The following DYNLT2B variants were observed in gnomAD, a reference collection of about 807,000 sequenced individuals.
DYNLT2B encodes the protein dynein light chain Tctex-type protein 2B.
Under a neutral mutation model 19.5 loss-of-function variants are expected in DYNLT2B, and 14 were observed. That is an observed-to-expected ratio of 0.72 (90% confidence interval 0.47 to 1.12). The LOEUF is 1.12. DYNLT2B is among the 50% of genes most tolerant of loss of function. DYNLT2B has a pLI of 0.00. For synonymous variants in DYNLT2B, 70 were observed against 59.7 expected (o/e 1.17, Z -0.79); for missense variants, 133 against 174.7 (o/e 0.76, Z 1.35).
At chr3:196,315,666 AGT>A (rs1726768027) in intron 2 of DYNLT2B, among the ~76,000 whole-genome samples, 1 of 152,008 alleles carries the variant, frequency 6.6e-6, no homozygotes, top group South Asian at 2.1e-4. Context: ...TGAGGTCAGG[AGT>A]TTGAGACCAG....
intron 3 of DYNLT2B, among the ~76,000 whole-genome samples, chr3:196,300,265 T>G (rs1726318812): frequency 6.6e-6 from 1 of 152,230 alleles, no homozygotes; most frequent in Non-Finnish European, 1.5e-5. Context: ...GATAATTTGT[T>G]ACGGCAGCAA....
At chr3:196,295,626 C>T (rs578140284) in intron 4 of DYNLT2B, among the ~76,000 whole-genome samples, 1 of 152,160 alleles carries the variant, frequency 6.6e-6, no homozygotes, top group South Asian at 2.1e-4. Context: ...TTCAAATGAA[C>T]AAATAAGTGA....
intron 3 of DYNLT2B, among the ~76,000 whole-genome samples, chr3:196,303,158 A>G (rs769598): frequency 0.32 from 47,384 of 149,500 alleles, 8,553 homozygotes; most frequent in East Asian, 0.82. Context: ...CTGACTCAGC[A>G]CAAGAAGACA....
At position 196,318,235 on chromosome 3, in the gene DYNLT2B, C is replaced by T; in HGVS notation, c.-83G>A. 1 of 674,282 alleles carries T rather than the reference C, an allele frequency of 1.5e-6. No individual in the cohort carries two copies. The highest frequency in any genetic ancestry group is 2.3e-6 in the Non-Finnish European group (1 of 442,874). The allele number at this position is 674,282 out of a possible 1,614,324, so 41.8% of individuals were successfully genotyped here. A position where few individuals can be genotyped will look rare whatever the true frequency, so the allele number is the denominator to read the frequency against. Reference sequence around the variant, plus strand: ...CGGCCGGCAGCAGGGAAAGCGTCTCCAGGGCAACAGGGCCGCCCTCCCGCC... The same window carrying T: ...CGGCCGGCAGCAGGGAAAGCGTCTCTAGGGCAACAGGGCCGCCCTCCCGCC... On this transcript the variant is annotated 5_prime_UTR_variant, in exon 1 of 5. Coordinates refer to ENST00000325318, the MANE Select transcript of DYNLT2B (RefSeq NM_152773.5).
chr3:196,317,630 C>G (rs1726911716), intron 1 of DYNLT2B, among the ~76,000 whole-genome samples: 1 of 152,132 alleles, frequency 6.6e-6, no homozygotes, highest in South Asian at 2.1e-4. Flanking sequence ...CGCACAGATG[C>G]AGCTCCCGCG....
intron 3 of DYNLT2B, among the ~76,000 whole-genome samples, chr3:196,300,026 T>C (rs938047708): frequency 4.0e-5 from 6 of 151,860 alleles, no homozygotes; most frequent in African/African-American, 1.4e-4. Context: ...AGTCAGAGAG[T>C]TGAAGATGCT....
At chr3:196,296,093 T>G in intron 3 of DYNLT2B, 24 bp from the exon 4 acceptor site, 1 of 1,607,154 alleles carries the variant, frequency 6.2e-7, no homozygotes, top group Non-Finnish European at 8.5e-7. Flanking sequence ...GAATGAAGAA[T>G]TATCAACAAT....
chr3:196,310,259 G>A (rs1279802993), intron 2 of DYNLT2B, among the ~76,000 whole-genome samples: 3 of 145,276 alleles, frequency 2.1e-5, no homozygotes, highest in African/African-American at 5.0e-5. Flanking sequence ...GCGCCATCAC[G>A]CTCGGCTAAT....
At chr3:196,308,618 G>A (rs187048025) in intron 2 of DYNLT2B, among the ~76,000 whole-genome samples, 9 of 152,296 alleles carry the variant, frequency 5.9e-5, no homozygotes, top group South Asian at 2.1e-4. Flanking sequence ...TGAAATAAGC[G>A]AAGCTGAAAG....
intron 2 of DYNLT2B, among the ~76,000 whole-genome samples, chr3:196,310,868 T>G (rs1726621077): frequency 6.6e-6 from 1 of 152,040 alleles, no homozygotes; most frequent in Non-Finnish European, 1.5e-5. Context: ...CCCAAGTAGC[T>G]GGAACCATAG....
intron 3 of DYNLT2B, among the ~76,000 whole-genome samples, chr3:196,304,782 G>C (rs1276927734): frequency 1.3e-5 from 2 of 152,006 alleles, no homozygotes; most frequent in Admixed American, 6.6e-5. Flanking sequence ...ATAGTGGCTA[G>C]AGAGGACATA....
At chr3:196,300,074 G>A (rs866538543) in intron 3 of DYNLT2B, among the ~76,000 whole-genome samples, 13 of 152,154 alleles carry the variant, frequency 8.5e-5, no homozygotes, top group Non-Finnish European at 1.5e-5. Flanking sequence ...ACGGCTTATG[G>A]GCTAAGGAGT....
intron 2 of DYNLT2B, among the ~76,000 whole-genome samples, chr3:196,315,635 G>A (rs527434466): frequency 2.0e-5 from 3 of 151,990 alleles, no homozygotes; most frequent in East Asian, 4.0e-4. Context: ...CACCTTGAGA[G>A]GCCGAGGCGG....
At chr3:196,306,441 AAAAG>A (rs1337701330) in intron 3 of DYNLT2B, among the ~76,000 whole-genome samples, 15 of 151,934 alleles carry the variant, frequency 9.9e-5, no homozygotes, top group East Asian at 3.9e-4. Flanking sequence ...AAACAAAAAA[AAAAG>A]AAAAGAAAGA....
chr3:196,294,537 A>T (rs1475084292), intron 4 of DYNLT2B, among the ~76,000 whole-genome samples: 1 of 152,038 alleles, frequency 6.6e-6, no homozygotes, highest in East Asian at 1.9e-4. Context: ...TTGAATAGGG[A>T]CCCAGCGTCT....
At chr3:196,316,893 GTGTGTGTGTGTGTGT>G (rs1726818332) in intron 1 of DYNLT2B, among the ~76,000 whole-genome samples, 1 of 137,128 alleles carries the variant, frequency 7.3e-6, no homozygotes, top group South Asian at 2.4e-4. Context: ...TTTTTTCAGT[GTGTGTGTGTGTGTGT>G]TGTGTGGTGT....
chr3:196,296,254 TAG>T, intron 3 of DYNLT2B, 185 bp from the exon 4 acceptor site: 1 of 541,238 alleles, frequency 1.8e-6, no homozygotes, highest in Non-Finnish European at 3.3e-6. Flanking sequence ...CCGGAGAAAC[TAG>T]AGTCAGATGA....
chr3:196,302,736 G>GA (rs1239452874), intron 3 of DYNLT2B, among the ~76,000 whole-genome samples: 1 of 152,076 alleles, frequency 6.6e-6, no homozygotes, highest in Non-Finnish European at 1.5e-5. Flanking sequence ...AGTACAGGAT[G>GA]AACACGGAGG....
intron 2 of DYNLT2B, among the ~76,000 whole-genome samples, chr3:196,308,082 G>GAAAAA (rs201886079): frequency 9.2e-6 from 1 of 109,010 alleles, no homozygotes; most frequent in Non-Finnish European, 1.8e-5. Flanking sequence ...ACTCCATCTC[G>GAAAAA]AAAAAAAAAA....
Sources: allele counts gnomAD v4.1 joint callset (sites outside exome capture counted in the v4.1 genomes callset), GRCh38; gene constraint gnomAD v4.1.1; transcripts MANE v1.5; gene names NCBI Gene and HGNC (gene_info 2026-07-23, HGNC 2026-07-21).